NPR3: variants seen among roughly 807,000 people sequenced by gnomAD.
NPR3 encodes natriuretic peptide receptor 3, also known as atrial natriuretic peptide receptor 3.
A neutral mutation model predicts 54.5 loss-of-function variants in NPR3; 34 were observed. That is an observed-to-expected ratio of 0.62 (90% CI 0.47 to 0.83). The LOEUF (loss-of-function observed/expected upper bound fraction) is 0.83, where lower values mean the gene tolerates loss of function less well. Among genes scored for constraint, NPR3 ranks in the 40% least tolerant of loss-of-function variants. The probability of loss-of-function intolerance (pLI) is 0.00; values close to 1 mark genes in which losing one functional copy is unlikely to be tolerated. For missense variants in NPR3, 674 were observed against 720.8 expected (o/e 0.94, Z 0.74); for synonymous variants, 289 against 297.1 (o/e 0.97, Z 0.28).
chr5:32,703,481 C>T (rs963485462), intron 1 of NPR3, among the ~76,000 whole-genome samples: 1 of 152,082 alleles, frequency 6.6e-6, no homozygotes, highest in Non-Finnish European at 1.5e-5. Context: ...GCCAGCATAG[C>T]CCTGGGTTTC....
rs1383474821 is a variant in NPR3, at chr5:32,786,310, G to A, written c.1591G>A (p.Glu531Lys). The A allele has an allele frequency of 6.3e-7, 1 of 1,584,718 alleles. No homozygotes were observed. The highest frequency in any genetic ancestry group is 1.1e-5 in the South Asian group (1 of 87,668). Residue 531 changes from glutamate (E) to lysine (K), a missense_variant, in exon 8 of 8, where the codon GAA becomes AAA. Coordinates refer to ENST00000265074, the MANE Select transcript of NPR3 (RefSeq NM_001204375.2). ...SNLGKHRELR[E>K]DSIRSHFSVA ...CCTTGGAAAACATCGGGAATTACGG[G>A]AAGATTCCATCAGATCCCATTTTTC...
chr5:32,708,101 C>T (rs1462472070), upstream of NPR3, among the ~76,000 whole-genome samples: 1 of 150,990 alleles, frequency 6.6e-6, no homozygotes, highest in Non-Finnish European at 1.5e-5. Context: ...TCTGAAATAT[C>T]CTGTTTAGAG....
intron 2 of NPR3, among the ~76,000 whole-genome samples, chr5:32,734,671 T>C (rs1739634847): frequency 6.6e-6 from 1 of 152,232 alleles, no homozygotes; most frequent in Non-Finnish European, 1.5e-5. Context: ...TGCCACCCAA[T>C]GGAACTTTCT....
chr5:32,697,666 T>C (rs920611048), intron 1 of NPR3, among the ~76,000 whole-genome samples: 3 of 152,078 alleles, frequency 2.0e-5, no homozygotes, highest in Non-Finnish European at 2.9e-5. Flanking sequence ...TTCAACCTTG[T>C]TACTTGTTAT....
At chr5:32,758,582 GT>G (rs200014397) in intron 3 of NPR3, among the ~76,000 whole-genome samples, 1 of 151,900 alleles carries the variant, frequency 6.6e-6, no homozygotes, top group Non-Finnish European at 1.5e-5. Flanking sequence ...TTTTTGAAGG[GT>G]TTTTTGTGTC....
chr5:32,706,088 C>T (rs1737976761), upstream of NPR3, among the ~76,000 whole-genome samples: 1 of 152,010 alleles, frequency 6.6e-6, no homozygotes, highest in Non-Finnish European at 1.5e-5. Flanking sequence ...TGGTGCTGTC[C>T]TTGGCAATAG....
At chr5:32,725,188 A>G (rs1739078593) in intron 2 of NPR3, among the ~76,000 whole-genome samples, 1 of 152,218 alleles carries the variant, frequency 6.6e-6, no homozygotes, top group Admixed American at 6.5e-5. Flanking sequence ...GATGGGATCC[A>G]TACTCCAAAC....
intron 1 of NPR3, among the ~76,000 whole-genome samples, chr5:32,719,801 TGTAATTCATC>T (rs1738755698): frequency 6.6e-6 from 1 of 151,044 alleles, no homozygotes; most frequent in African/African-American, 2.4e-5. Flanking sequence ...TTTTTTTTTT[TGTAATTCATC>T]TTGTTTGGAT....
At chr5:32,774,667 A>G (rs1741947871) in intron 3 of NPR3, 41 bp from the exon 4 acceptor site, 5 of 1,538,082 alleles carry the variant, frequency 3.3e-6, no homozygotes, top group Non-Finnish European at 4.5e-6. Context: ...GGCATGAGTC[A>G]CTTGGTGTTT....
Position 32,786,290 on chromosome 5 carries a change from GA to G in NPR3, c.1575del (p.Lys525AsnfsTer16). 6.3e-7 allele frequency: 1 copy of G among 1,591,892 alleles called. No homozygotes were observed. Among genetic ancestry groups the G allele is most frequent in the Non-Finnish European group, 8.6e-7 (1 of 1,163,458 alleles). On this transcript the variant is annotated frameshift_variant, in exon 8 of 8. Coordinates refer to ENST00000265074, the MANE Select transcript of NPR3 (RefSeq NM_001204375.2). LOFTEE classifies it high-confidence loss of function. ...RRTQQEESNLGKHRELREDSI... is the reference protein window; with the variant it reads ...RRTQQEESNLXKHRELREDSI... ...ACCCAGCAAGAAGAAAGTAACCTTG[GA>G]AAACATCGGGAATTACGGGAAGATT...
At position 32,789,502 on chromosome 5, in the gene NPR3, A is replaced by C. The variant is rs1372100933; in HGVS notation, c.*3157A>C. On this transcript the variant is annotated 3_prime_UTR_variant, in exon 8 of 8. Transcript: ENST00000265074. ...TCTACAGACCCTACTATAATTCTTC[A>C]CATTTCAGAACCCATGTTTAATGGA... is the stretch of plus-strand genomic sequence containing the variant. 1.3e-5 allele frequency: 7 copies of C among 534,594 alleles called. No homozygotes were observed. Among genetic ancestry groups the C allele is most frequent in the South Asian group, 9.8e-5 (7 of 71,594 alleles). The allele number at this position is 534,594 out of a possible 1,614,324, so 33.1% of individuals were successfully genotyped here.
chr5:32,712,359 C>T lies in NPR3; in HGVS notation c.583C>T (p.His195Tyr), dbSNP rs781249323. The T allele has an allele frequency of 9.9e-6, 16 of 1,612,856 alleles. No homozygotes were observed. Among genetic ancestry groups the T allele is most frequent in the Middle Eastern group, 1.7e-4 (1 of 6,054 alleles). ...GATGATGCTCGCCCTGTTCCGCCAC[C>T]ACCACTGGAGCCGCGCTGCACTGGT... ...GEMMLALFRHHHWSRAALVYS... is the reference protein window; with the variant it reads ...GEMMLALFRHYHWSRAALVYS... The change falls in exon 1 of 8, where the codon CAC becomes TAC. Residue 195 changes from histidine (H) to tyrosine (Y), a missense_variant. By Grantham distance (83) the His-to-Tyr change is moderately conservative (BLOSUM62 2). Transcript: ENST00000265074.
chr5:32,723,100 G>A (rs1738951270), intron 1 of NPR3, among the ~76,000 whole-genome samples: 2 of 152,196 alleles, frequency 1.3e-5, no homozygotes, highest in Admixed American at 1.3e-4. Flanking sequence ...ATAGCCTGAA[G>A]TTTGTTTTAT....
Position 32,784,877 on chromosome 5 carries a change from T to G in NPR3, c.1508T>G (p.Phe503Cys). The G allele has an allele frequency of 6.2e-7, 1 of 1,612,446 alleles. No individual in the cohort carries two copies. Among genetic ancestry groups the G allele is most frequent in the South Asian group, 1.1e-5 (1 of 91,058 alleles). ...GCTGGCTTGCTAATGGCCTTCTACT[T>G]TTTCAGGTGAGGACGGTTTGTAAAG... is the stretch of plus-strand genomic sequence containing the variant. ...LGAGLLMAFY[F>C]FRKKYRITIE... The change falls in exon 7 of 8, where the codon TTT (phenylalanine) becomes TGT (cysteine). Residue 503 changes from phenylalanine to cysteine, a missense_variant. By Grantham distance (205) the Phe-to-Cys change is radical. Transcript: ENST00000265074.
At chr5:32,777,903 A>G (rs1344605017) in intron 4 of NPR3, among the ~76,000 whole-genome samples, 1 of 152,206 alleles carries the variant, frequency 6.6e-6, no homozygotes, top group Non-Finnish European at 1.5e-5. Flanking sequence ...GTTTTGCACA[A>G]TACACTGAGA....
intron 3 of NPR3, among the ~76,000 whole-genome samples, chr5:32,770,741 C>T (rs1741712388): frequency 6.6e-6 from 1 of 152,216 alleles, no homozygotes; most frequent in Non-Finnish European, 1.5e-5. Context: ...TCCCAGTTTT[C>T]TGAGCATCTA....
chr5:32,726,029 G>C (rs913561641), intron 2 of NPR3, among the ~76,000 whole-genome samples: 1 of 152,156 alleles, frequency 6.6e-6, no homozygotes, highest in African/African-American at 2.4e-5. Flanking sequence ...CCCCAAATGT[G>C]GTTAGGGCTC....
chr5:32,767,176 G>A (rs927939362), intron 3 of NPR3, among the ~76,000 whole-genome samples: 4 of 152,320 alleles, frequency 2.6e-5, no homozygotes, highest in East Asian at 1.9e-4. Flanking sequence ...ACAAACTGGA[G>A]CACAAAACTG....
rs568944478 is a variant in NPR3 at position 32,764,788 on chromosome 5, C to CAAAAAAAAAAAAAAAA, written c.1060-9907_1060-9892dup. ...GGGTGACAAGAGTGAGGGTCCATCT[C>CAAAAAAAAAAAAAAAA]AAAAAAAAAAAAAAAAAAAAAAAAA... On this transcript the variant is annotated intron_variant, in intron 3 of 7. Transcript: ENST00000265074. Among the ~76,000 whole-genome samples the CAAAAAAAAAAAAAAAA allele has an allele frequency of 4.1e-4, 15 of 36,496 alleles. 1 individual carries two copies. The highest frequency in any genetic ancestry group is 9.7e-4 in the African/African-American group (10 of 10,298). 23.9% of individuals were successfully genotyped at this position (36,496 alleles called of 152,430 possible).
Sources: gnomAD v4.1 joint callset for allele counts (sites outside exome capture counted in the v4.1 genomes callset) on GRCh38, gnomAD v4.1.1 for gene constraint, MANE v1.5 for transcripts, NCBI Gene and HGNC (gene_info 2026-07-23, HGNC 2026-07-21) for gene names.